The following ZNF836 variants were observed in gnomAD, a reference collection of about 807,000 sequenced individuals.
The protein encoded by ZNF836 is zinc finger protein 836.
Under a neutral mutation model 7.4 loss-of-function variants are expected in ZNF836, and 12 were observed. The observed-to-expected ratio is 1.61, with a 90% CI of 1.03 to 2.61. The LOEUF is 2.61. Ranked by LOEUF, ZNF836 falls within the 30% of genes most tolerant of loss-of-function variation. ZNF836 has a pLI of 0.00. For missense variants in ZNF836, 998 were observed against 1,126.2 expected (o/e 0.89, Z 1.63); for synonymous variants, 365 against 382.6 (o/e 0.95, Z 0.54).
rs759225948 is a variant in ZNF836, at chr19:52,156,871, C to A, written c.812G>T (p.Gly271Val). ...ACATACACCACATTGATATGGCTTC[C>A]CCCTTGTATGGACTATCTGATGTAT... ...LTIHQIVHTR[G>V]KPYQCGVCGK... is the part of the protein sequence containing the mutation. The change falls in exon 5 of 5, where the codon GGG becomes GTG. Residue 271 changes from glycine to valine, a missense_variant. Coordinates refer to ENST00000682614, the MANE Select transcript of ZNF836 (RefSeq NM_001102657.3). 1.3e-4 allele frequency: 208 copies of A among 1,613,954 alleles called. No individual in the cohort carries two copies. Among genetic ancestry groups the A allele is most frequent in the Non-Finnish European group, 1.7e-4 (202 of 1,180,016 alleles).
chr19:52,164,368 G>A (rs576514994), intron 3 of ZNF836, among the ~76,000 whole-genome samples: 30 of 145,412 alleles, frequency 2.1e-4, no homozygotes, highest in Non-Finnish European at 4.0e-4. Flanking sequence ...ACTCCAGCCC[G>A]GGCAACAGGA....
At position 52,168,095 on chromosome 19, in the gene ZNF836, T is replaced by C. The variant is rs761118767; in HGVS notation, c.-23A>G. On this transcript the variant is annotated 5_prime_UTR_variant, in exon 3 of 5. Coordinates refer to ENST00000682614, the MANE Select transcript of ZNF836 (RefSeq NM_001102657.3). ...CATCCCTGACTCCTTTTCTTTCCTCTTCTTCCTCTTCTGGGCTTCTCTCTC... is the reference window on the plus strand; with the variant it reads ...CATCCCTGACTCCTTTTCTTTCCTCCTCTTCCTCTTCTGGGCTTCTCTCTC... 2 of 1,611,832 alleles carry C rather than the reference T, an allele frequency of 1.2e-6. No homozygotes were observed. The highest frequency in any genetic ancestry group is 2.2e-5 in the East Asian group (1 of 44,844).
In ZNF836 at chr19:52,156,647, T is replaced by C. The variant is rs765919384; in HGVS notation, c.1036A>G (p.Thr346Ala). Residue 346 changes from threonine (T) to alanine (A), a missense_variant, in exon 5 of 5, where the codon ACT becomes GCT. Physicochemically the swap from Thr to Ala is moderately conservative, Grantham distance 58 (BLOSUM62 0). Coordinates refer to ENST00000682614, the MANE Select transcript of ZNF836 (RefSeq NM_001102657.3). ...GKTFKQGSCLTTHQIIHTGEK... is the reference protein window; with the variant it reads ...GKTFKQGSCLATHQIIHTGEK... ...CCTGTATGGATTATCTGATGTGTAG[T>C]GAGGCATGAGCCTTGTTTGAAGGTT... 8 of 1,613,564 alleles carry C rather than the reference T, an allele frequency of 5.0e-6. No individual in the cohort carries two copies. The East Asian group carries it at 1.6e-4, about 31-fold the overall frequency.
At chr19:52,166,023 G>A (rs1010253366) in intron 3 of ZNF836, among the ~76,000 whole-genome samples, 1 of 151,846 alleles carries the variant, frequency 6.6e-6, no homozygotes, top group Non-Finnish European at 1.5e-5. Context: ...ACAGAGTCTA[G>A]CTCTGTCACC....
chr19:52,167,683 A>G (rs1386344386), intron 3 of ZNF836, among the ~76,000 whole-genome samples: 1 of 152,060 alleles, frequency 6.6e-6, no homozygotes, highest in African/African-American at 2.4e-5. Flanking sequence ...GGTATCGTGC[A>G]CATTAATATG....
In ZNF836 at chr19:52,156,032, C is replaced by G; in HGVS notation, c.1651G>C (p.Glu551Gln). The change falls in exon 5 of 5, where the codon GAG becomes CAG. Residue 551 changes from glutamate to glutamine, a missense_variant. By Grantham distance (29) the Glu-to-Gln change is conservative. Transcript: ENST00000682614. The part of the protein sequence containing the change: ...LVRHLRIHTG[E>Q]QPYKCNVCGK... ...CACACATTACATTTGTAAGGTTGCT[C>G]CCCAGTATGAATTCTTAAATGTCTT... 1 of 1,613,980 alleles carries G rather than the reference C, an allele frequency of 6.2e-7. No homozygotes were observed. Among genetic ancestry groups the G allele is most frequent in the Non-Finnish European group, 8.5e-7 (1 of 1,179,902 alleles).
intron 4 of ZNF836, among the ~76,000 whole-genome samples, chr19:52,158,473 A>T (rs775891178): frequency 6.6e-6 from 1 of 152,100 alleles, no homozygotes; most frequent in Non-Finnish European, 1.5e-5. Context: ...GGCCGGGCGC[A>T]GTGGCTCACA....
At position 52,157,462 on chromosome 19, in the gene ZNF836, G is replaced by A. The variant is rs61742257; in HGVS notation, c.221C>T (p.Thr74Met). 1.6e-4 allele frequency: 263 copies of A among 1,594,056 alleles called. No homozygotes were observed. The African/African-American group carries it at 1.8e-3, about 11-fold the overall frequency. The change falls in exon 5 of 5, where the codon ACG becomes ATG. Residue 74 changes from threonine to methionine, a missense_variant. By Grantham distance (81) the Thr-to-Met change is moderately conservative. Transcript: ENST00000682614. ...SNTGEKCQTV[T>M]LERHECYDVE... is the part of the protein sequence containing the mutation. ...ATCATAACATTCATGTCTTTCCAGCGTCACTGTTTGGCATTTTTCTCCTGT... is the reference window on the plus strand; with the variant it reads ...ATCATAACATTCATGTCTTTCCAGCATCACTGTTTGGCATTTTTCTCCTGT...
chr19:52,170,399 A>G (rs931643735), intron 1 of ZNF836: 1 of 150,708 alleles, frequency 6.6e-6, no homozygotes, highest in Non-Finnish European at 1.5e-5. Flanking sequence ...AGCACCCCCA[A>G]CTCCCTAGGC....
At chr19:52,165,626 C>A (rs766194961) in intron 3 of ZNF836, among the ~76,000 whole-genome samples, 3 of 152,124 alleles carry the variant, frequency 2.0e-5, no homozygotes, top group Admixed American at 6.6e-5. Flanking sequence ...GGGAAAGGAA[C>A]CTGGGTTCCC....
chr19:52,159,397 G>A (rs17769264), intron 4 of ZNF836, among the ~76,000 whole-genome samples: 21,876 of 152,148 alleles, frequency 0.14, 1,889 homozygotes, highest in South Asian at 0.35. Context: ...CCCAAATTAC[G>A]AAGAAAGTAA....
chr19:52,154,832 C>T lies in ZNF836; in HGVS notation c.*40G>A, dbSNP rs763888175. 4.4e-5 allele frequency: 63 copies of T among 1,439,274 alleles called. No homozygotes were observed. Among genetic ancestry groups the T allele is most frequent in the Non-Finnish European group, 5.1e-5 (55 of 1,087,546 alleles). The allele number at this position is 1,439,274 out of a possible 1,614,324, so 89.2% of individuals were successfully genotyped here. A position where few individuals can be genotyped will look rare whatever the true frequency, so the allele number is the denominator to read the frequency against. On this transcript the variant is annotated 3_prime_UTR_variant, in exon 5 of 5. Transcript: ENST00000682614. ...TTAAAATTCCACATGAGATTTCAGA[C>T]GGAAGTGACAAATATACAAGCTATA...
rs897805790 is a variant in ZNF836, at chr19:52,154,608, C to T, written c.*264G>A. 1 of 266,522 alleles carries T rather than the reference C, an allele frequency of 3.8e-6. No individual in the cohort carries two copies. The highest frequency in any genetic ancestry group is 7.7e-5 in the South Asian group (1 of 13,004). 16.5% of individuals were successfully genotyped at this position (266,522 alleles called of 1,614,324 possible). On this transcript the variant is annotated 3_prime_UTR_variant, in exon 5 of 5. Transcript: ENST00000682614. ...CTGGGAGGCAGAGGTTGCAGTGAGC[C>T]TAGATCACGCCACTGCATTCCAGCC...
chr19:52,166,571 ACTT>A (rs1348895336), intron 3 of ZNF836, among the ~76,000 whole-genome samples: 3 of 135,378 alleles, frequency 2.2e-5, no homozygotes, highest in East Asian at 2.0e-4. Flanking sequence ...TGTTGTACCA[ACTT>A]CTTTTTTTTT....
In ZNF836 at chr19:52,154,948, T is replaced by A; in HGVS notation, c.2735A>T (p.His912Leu). The stretch of plus-strand genomic sequence containing the variant: ...TTTTGTTTTAAGACTCTCTGCAGTA[T>A]GTTTTGTCTGATGTTTAGTGAGGCC... ...RSGLTKHQTK[H>L]TAESLKTKFN... is the part of the protein sequence containing the mutation. Residue 912 changes from histidine (H) to leucine (L), a missense_variant, in exon 5 of 5, where the codon CAT becomes CTT. By Grantham distance (99) the His-to-Leu change is moderately conservative. Coordinates refer to ENST00000682614, the MANE Select transcript of ZNF836 (RefSeq NM_001102657.3). 1 of 1,583,978 alleles carries A rather than the reference T, an allele frequency of 6.3e-7. No homozygotes were observed. Among genetic ancestry groups the A allele is most frequent in the Non-Finnish European group, 8.6e-7 (1 of 1,165,658 alleles).
chr19:52,162,590 G>A (rs893999783), intron 3 of ZNF836, among the ~76,000 whole-genome samples: 1 of 152,182 alleles, frequency 6.6e-6, no homozygotes, highest in Non-Finnish European at 1.5e-5. Flanking sequence ...GGGGCCAGGG[G>A]GCATCTTGCC....
intron 3 of ZNF836, among the ~76,000 whole-genome samples, chr19:52,162,010 G>A (rs1362224110): frequency 6.6e-6 from 1 of 152,202 alleles, no homozygotes; most frequent in Non-Finnish European, 1.5e-5. Flanking sequence ...AAACCCAACA[G>A]GGCATACACA....
chr19:52,168,674 GAT>G (rs1176735578), intron 2 of ZNF836, among the ~76,000 whole-genome samples: 2 of 152,016 alleles, frequency 1.3e-5, no homozygotes, highest in Non-Finnish European at 2.9e-5. Flanking sequence ...TATTTATATA[GAT>G]ATATATAGTA....
chr19:52,161,920 T>C lies in ZNF836; in HGVS notation c.16-1329A>G, dbSNP rs771231206. 3.9e-5 allele frequency among the ~76,000 whole-genome samples: 6 copies of C among 152,104 alleles called. No individual in the cohort carries two copies. Among genetic ancestry groups the C allele is most frequent in the Non-Finnish European group, 8.8e-5 (6 of 68,026 alleles). The stretch of plus-strand genomic sequence containing the variant: ...GTTATGTGCTTCCAAAATACAATGG[T>C]GGGGCAGACACAGGTTAAATATTTC... On this transcript the variant is annotated intron_variant, in intron 3 of 4. Coordinates refer to ENST00000682614, the MANE Select transcript of ZNF836 (RefSeq NM_001102657.3). This position sits in a 1 kb window ranked among gnomAD's most constrained non-coding sequence, Gnocchi z 4.1.
Sources: gnomAD v4.1 joint callset for allele counts (sites outside exome capture counted in the v4.1 genomes callset) on GRCh38, gnomAD v4.1.1 for gene constraint, Gnocchi (gnomAD v3.1) non-coding constraint, MANE v1.5 for transcripts, NCBI Gene and HGNC (gene_info 2026-07-23, HGNC 2026-07-21) for gene names.